The following ARB2A variants were observed in gnomAD, a reference collection of about 807,000 sequenced individuals.
ARB2A encodes cotranscriptional regulator ARB2A.
the ARB2A span, among the ~76,000 whole-genome samples, chr5:93,729,428 A>C: frequency 1.3e-5 from 2 of 152,146 alleles, no homozygotes; most frequent in East Asian, 3.8e-4. Context: ...ATGAATATGA[A>C]GATGCAGAGC....
At chr5:93,621,115 C>T in the ARB2A span, 2 of 1,611,446 alleles carry the variant, frequency 1.2e-6, no homozygotes, top group Non-Finnish European at 1.7e-6. Context: ...GAAGTTAGCT[C>T]GTGACGGTCG....
At chr5:93,796,964 A>T in the ARB2A span, among the ~76,000 whole-genome samples, 2 of 152,186 alleles carry the variant, frequency 1.3e-5, no homozygotes, top group Non-Finnish European at 2.9e-5. Context: ...CTCTATGTAT[A>T]TGGCTGCATC....
chr5:93,920,949 T>C, the ARB2A span, among the ~76,000 whole-genome samples: 1 of 152,244 alleles, frequency 6.6e-6, no homozygotes, highest in South Asian at 2.1e-4. Flanking sequence ...ATATTTTTCA[T>C]TGTGTTTAGT....
the ARB2A span, among the ~76,000 whole-genome samples, chr5:93,933,479 A>C: frequency 6.6e-6 from 1 of 152,178 alleles, no homozygotes; most frequent in Non-Finnish European, 1.5e-5. Flanking sequence ...GCCATAAAAA[A>C]GGATGAGTTC....
chr5:93,766,103 A>T, the ARB2A span, among the ~76,000 whole-genome samples: 10 of 152,208 alleles, frequency 6.6e-5, no homozygotes, highest in Non-Finnish European at 1.2e-4. Context: ...AAACCTAGGC[A>T]ATACCATTCA....
the ARB2A span, among the ~76,000 whole-genome samples, chr5:94,008,336 G>A: frequency 6.6e-6 from 1 of 152,196 alleles, no homozygotes; most frequent in African/African-American, 2.4e-5. Flanking sequence ...GCCAAAAGAA[G>A]TTCTTTGATG....
At chr5:93,797,709 C>T in the ARB2A span, among the ~76,000 whole-genome samples, 1 of 152,072 alleles carries the variant, frequency 6.6e-6, no homozygotes, top group Non-Finnish European at 1.5e-5. Flanking sequence ...AACTATTTTA[C>T]TGAGTGTTAA....
the ARB2A span, among the ~76,000 whole-genome samples, chr5:93,925,529 G>A: frequency 7.9e-5 from 12 of 152,102 alleles, no homozygotes; most frequent in Non-Finnish European, 1.8e-4. Context: ...TGGGACAAAG[G>A]GATGATTCAT....
chr5:93,951,475 T>A, the ARB2A span, among the ~76,000 whole-genome samples: 1 of 152,198 alleles, frequency 6.6e-6, no homozygotes, highest in Non-Finnish European at 1.5e-5. Context: ...TTAAATTTTT[T>A]AATCTATTTT....
the ARB2A span, chr5:93,964,490 T>C: frequency 1.3e-6 from 2 of 1,583,040 alleles, no homozygotes; most frequent in South Asian, 1.1e-5. Context: ...TTACAATCCT[T>C]TTCCAGGAGC....
the ARB2A span, among the ~76,000 whole-genome samples, chr5:93,947,296 T>C: frequency 6.6e-6 from 1 of 152,172 alleles, no homozygotes; most frequent in African/African-American, 2.4e-5. Flanking sequence ...ATTAAGTGTG[T>C]CACCTAAATT....
At chr5:94,044,202 G>C in the ARB2A span, among the ~76,000 whole-genome samples, 1 of 152,188 alleles carries the variant, frequency 6.6e-6, no homozygotes, top group African/African-American at 2.4e-5. Context: ...GGTTCTAACA[G>C]TTGCCCAATT....
chr5:93,973,876 T>A, the ARB2A span, among the ~76,000 whole-genome samples: 1 of 152,234 alleles, frequency 6.6e-6, no homozygotes, highest in East Asian at 1.9e-4. Context: ...AAGGAACTGA[T>A]CACTAGCAAA....
At chr5:93,948,495 C>A in the ARB2A span, among the ~76,000 whole-genome samples, 2 of 152,008 alleles carry the variant, frequency 1.3e-5, no homozygotes, top group African/African-American at 4.8e-5. Context: ...TTTTGCTGTG[C>A]AGAAGCTCTT....
chr5:93,930,207 G>A, the ARB2A span, among the ~76,000 whole-genome samples: 2 of 152,138 alleles, frequency 1.3e-5, no homozygotes, highest in South Asian at 2.1e-4. Flanking sequence ...TTTCAAAGGC[G>A]ATTATAAATA....
At chr5:93,903,073 T>C in the ARB2A span, among the ~76,000 whole-genome samples, 1 of 152,136 alleles carries the variant, frequency 6.6e-6, no homozygotes, top group Non-Finnish European at 1.5e-5. Flanking sequence ...TTTTATAAAT[T>C]GTAACATGGT....
the ARB2A span, among the ~76,000 whole-genome samples, chr5:94,097,330 C>T: frequency 3.0e-4 from 45 of 152,338 alleles, 1 homozygote; most frequent in East Asian, 7.0e-3. Flanking sequence ...GCCACCCCCA[C>T]AGTTCATCAG....
chr5:93,690,468 C>T, the ARB2A span, among the ~76,000 whole-genome samples: 1 of 152,172 alleles, frequency 6.6e-6, no homozygotes, highest in African/African-American at 2.4e-5. Flanking sequence ...ACCACCACAG[C>T]TTAGCAAAGC....
chr5:93,715,849 G>T, the ARB2A span, among the ~76,000 whole-genome samples: 1 of 152,050 alleles, frequency 6.6e-6, no homozygotes, highest in Non-Finnish European at 1.5e-5. Flanking sequence ...TTTAAAGGAA[G>T]TATTTTCACA....
Sources: gnomAD v4.1 joint callset for allele counts (sites outside exome capture counted in the v4.1 genomes callset) on GRCh38, gnomAD v4.1.1 for gene constraint, MANE v1.5 for transcripts, NCBI Gene and HGNC (gene_info 2026-07-23, HGNC 2026-07-21) for gene names.